PTPRT: variants seen among roughly 807,000 people sequenced by gnomAD.
The protein encoded by PTPRT is protein tyrosine phosphatase receptor type T.
Under a neutral mutation model 176.8 loss-of-function variants are expected in PTPRT, and 56 were observed. The ratio of observed to expected loss-of-function variants is 0.32; its 90% CI spans 0.26 to 0.40. The LOEUF is 0.40. Among genes scored for constraint, PTPRT ranks in the 10% least tolerant of loss-of-function variants. The pLI, the probability that PTPRT is intolerant of heterozygous loss-of-function variation, is 1.00. For missense variants in PTPRT, 1,540 were observed against 1,908.2 expected (o/e 0.81, Z 3.60); for synonymous variants, 783 against 739.0 (o/e 1.06, Z -0.96).
intron 6 of PTPRT, chr20:42,688,289 C>T (rs2425523): frequency 0.14 from 21,773 of 152,258 alleles, 2,231 homozygotes; most frequent in African/African-American, 0.28. Context: ...CAGTATCTTT[C>T]TGAAGGAACT....
chr20:42,205,317 C>A (rs1254191415), intron 15 of PTPRT, among the ~76,000 whole-genome samples: 3 of 152,112 alleles, frequency 2.0e-5, no homozygotes, highest in Non-Finnish European at 4.4e-5. Flanking sequence ...TGCCTCCTTC[C>A]CAAAGTTAGA....
At chr20:42,327,284 C>T (rs955114692) in intron 11 of PTPRT, among the ~76,000 whole-genome samples, 2 of 151,968 alleles carry the variant, frequency 1.3e-5, no homozygotes, top group African/African-American at 4.8e-5. Context: ...TCCAATAGTT[C>T]AGAATTAATT....
intron 9 of PTPRT, among the ~76,000 whole-genome samples, chr20:42,436,604 C>A (rs1372039720): frequency 6.6e-6 from 1 of 152,106 alleles, no homozygotes; most frequent in African/African-American, 2.4e-5. Flanking sequence ...TTAGTGCAAC[C>A]AGTTTGGGAA....
intron 8 of PTPRT, among the ~76,000 whole-genome samples, chr20:42,462,042 G>A (rs1179255717): frequency 1.3e-5 from 2 of 151,872 alleles, no homozygotes; most frequent in Non-Finnish European, 2.9e-5. Flanking sequence ...GCATTAAGTA[G>A]CAAAACTGGC....
chr20:42,389,027 C>T (rs538670520), intron 9 of PTPRT, among the ~76,000 whole-genome samples: 3 of 148,912 alleles, frequency 2.0e-5, no homozygotes, highest in African/African-American at 2.5e-5. Context: ...ATCGCAAGGA[C>T]AAAAAACCAA....
chr20:42,881,039 T>C (rs1371531624), intron 2 of PTPRT, among the ~76,000 whole-genome samples: 2 of 152,178 alleles, frequency 1.3e-5, no homozygotes, highest in Non-Finnish European at 2.9e-5. Context: ...AGCTCGCCTT[T>C]GTAAAGCAGC....
intron 6 of PTPRT, among the ~76,000 whole-genome samples, chr20:42,718,850 T>A (rs1289400343): frequency 4.6e-5 from 7 of 152,162 alleles, no homozygotes; most frequent in Admixed American, 4.6e-4. Context: ...AAATAAAGGT[T>A]TATCCACACA....
At chr20:42,162,288 C>G (rs1989636811) in intron 16 of PTPRT, among the ~76,000 whole-genome samples, 1 of 152,192 alleles carries the variant, frequency 6.6e-6, no homozygotes, top group Admixed American at 6.5e-5. Flanking sequence ...TTCCCCGGGC[C>G]TGGATGCTAT....
At chr20:42,938,749 A>T (rs1314307410) in intron 1 of PTPRT, among the ~76,000 whole-genome samples, 2 of 152,140 alleles carry the variant, frequency 1.3e-5, no homozygotes, top group African/African-American at 4.8e-5. Flanking sequence ...TTTTGGTTTT[A>T]CTGAAAGTCT....
intron 1 of PTPRT, among the ~76,000 whole-genome samples, chr20:43,102,248 A>ATCTC (rs111672972): frequency 1.4e-5 from 2 of 146,658 alleles, no homozygotes; most frequent in Admixed American, 6.8e-5. Flanking sequence ...TTCACTGGAC[A>ATCTC]TCTCTCTCTC....
intron 14 of PTPRT, among the ~76,000 whole-genome samples, chr20:42,242,787 C>T (rs2056379035): frequency 6.6e-6 from 1 of 152,186 alleles, no homozygotes; most frequent in Non-Finnish European, 1.5e-5. Flanking sequence ...CCCCAGGTGA[C>T]TTAGACATGT....
intron 24 of PTPRT, among the ~76,000 whole-genome samples, chr20:42,106,514 G>A (rs1243971331): frequency 1.3e-5 from 2 of 152,046 alleles, no homozygotes; most frequent in Admixed American, 1.3e-4. Flanking sequence ...TTGTCATTCT[G>A]TCCCTGCTTG....
At chr20:43,111,076 T>C (rs1430778933) in intron 1 of PTPRT, among the ~76,000 whole-genome samples, 1 of 151,984 alleles carries the variant, frequency 6.6e-6, no homozygotes, top group Non-Finnish European at 1.5e-5. Context: ...AAAGGAAACA[T>C]GAGTTATCGT....
At chr20:42,244,008 A>G (rs1339665825) in intron 14 of PTPRT, among the ~76,000 whole-genome samples, 3 of 152,186 alleles carry the variant, frequency 2.0e-5, no homozygotes, top group Non-Finnish European at 4.4e-5. Context: ...TCATGTGGAG[A>G]TGAATGTTTC....
chr20:42,968,559 G>A (rs1269697967), intron 1 of PTPRT, among the ~76,000 whole-genome samples: 4 of 152,172 alleles, frequency 2.6e-5, no homozygotes, highest in African/African-American at 9.6e-5. Context: ...TTATGAAAAT[G>A]GGCTCCATGG....
At chr20:42,649,626 A>T (rs1196370901) in intron 7 of PTPRT, among the ~76,000 whole-genome samples, 1 of 152,174 alleles carries the variant, frequency 6.6e-6, no homozygotes, top group African/African-American at 2.4e-5. Context: ...AAAGATATGA[A>T]TGCTGGTTAA....
chr20:42,950,980 TG>T (rs1981202109), intron 1 of PTPRT, among the ~76,000 whole-genome samples: 1 of 152,248 alleles, frequency 6.6e-6, no homozygotes, highest in African/African-American at 2.4e-5. Context: ...TAAGAAATAA[TG>T]TGATGTTTTC....
At chr20:42,464,829 T>C (rs549627293) in intron 8 of PTPRT, among the ~76,000 whole-genome samples, 1 of 152,276 alleles carries the variant, frequency 6.6e-6, no homozygotes, top group South Asian at 2.1e-4. Flanking sequence ...ATCTTGTTAC[T>C]ACAGATGTAC....
chr20:43,182,576 A>G (rs2015287172), intron 1 of PTPRT, among the ~76,000 whole-genome samples: 1 of 152,086 alleles, frequency 6.6e-6, no homozygotes, highest in East Asian at 1.9e-4. Flanking sequence ...TTTATAGTAG[A>G]GCTGGCATTT....
Sources: gnomAD v4.1 joint callset for allele counts (sites outside exome capture counted in the v4.1 genomes callset) on GRCh38, gnomAD v4.1.1 for gene constraint, MANE v1.5 for transcripts, NCBI Gene and HGNC (gene_info 2026-07-23, HGNC 2026-07-21) for gene names.